The following EHD4 variants were observed in gnomAD, a reference collection of about 807,000 sequenced individuals.
EHD4 encodes the protein EH domain containing 4.
EHD4 carries 37 observed loss-of-function variants against 51.0 expected under a neutral mutation model. The ratio of observed to expected loss-of-function variants is 0.73; its 90% CI spans 0.56 to 0.95. EHD4 has a LOEUF of 0.95. EHD4 is among the 40% of genes least tolerant of loss of function. The pLI is 0.00. For missense variants in EHD4, 632 were observed against 733.1 expected (o/e 0.86, Z 1.59); for synonymous variants, 297 against 317.3 (o/e 0.94, Z 0.68).
intron 2 of EHD4, among the ~76,000 whole-genome samples, chr15:41,944,997 G>GA (rs2067801964): frequency 6.6e-6 from 1 of 152,118 alleles, no homozygotes; most frequent in South Asian, 2.1e-4. Flanking sequence ...TAAGTTCACA[G>GA]AAAAAACCCC....
intron 3 of EHD4, among the ~76,000 whole-genome samples, chr15:41,922,580 C>T (rs776479454): frequency 6.6e-5 from 10 of 152,236 alleles, no homozygotes; most frequent in Admixed American, 1.3e-4. Flanking sequence ...CGTGCAGATG[C>T]AGTCTCTCTT....
chr15:41,919,516 G>A lies in EHD4; in HGVS notation c.618C>T (p.Ala206=). 6.5e-7 allele frequency: 1 copy of A among 1,546,530 alleles called. No individual in the cohort carries two copies. Among genetic ancestry groups the A allele is most frequent in the Non-Finnish European group, 8.7e-7 (1 of 1,149,792 alleles). ...CGTCCTGGCCCCGGAAGGCCTTGAT[G>A]GCCTCTGAGAATTCATCTGAGATGT... is the stretch of plus-strand genomic sequence containing the variant. The part of the protein sequence containing the change: ...KLDISDEFSE[A]IKAFRGQDDK... The change falls in exon 4 of 6, where the codon GCC becomes GCT. Residue 206 remains alanine, a synonymous_variant. Coordinates refer to ENST00000220325, the MANE Select transcript of EHD4 (RefSeq NM_139265.4).
chr15:41,925,620 C>T (rs188515207), intron 3 of EHD4, among the ~76,000 whole-genome samples: 3 of 152,318 alleles, frequency 2.0e-5, no homozygotes, highest in Admixed American at 2.0e-4. Context: ...TCCAGTGAAA[C>T]TTGTATTAGT....
Position 41,901,085 on chromosome 15 carries a change from G to A in EHD4, c.1186C>T (p.Leu396Phe). 4 of 1,612,840 alleles carry A rather than the reference G, an allele frequency of 2.5e-6. No homozygotes were observed. The South Asian group carries it at 4.4e-5, about 18-fold the overall frequency. Residue 396 changes from leucine (L) to phenylalanine (F), a missense_variant, in exon 6 of 6, where the codon CTC (leucine) becomes TTC (phenylalanine). Leu to Phe is a conservative substitution (Grantham distance 22). Transcript: ENST00000220325. Reference protein sequence around the residue: ...DNMLSNKISPLMNLISQEETS... With the variant: ...DNMLSNKISPFMNLISQEETS... ...TCCTCCTGGCTGATGAGGTTCATGA[G>A]GGGCGAGATCTTGTTGCTCAGCATG...
At chr15:41,947,357 A>G (rs2067822141) in intron 2 of EHD4, among the ~76,000 whole-genome samples, 1 of 152,128 alleles carries the variant, frequency 6.6e-6, no homozygotes, top group African/African-American at 2.4e-5. Flanking sequence ...TAGGCTCCAG[A>G]CGTCTCCCTT....
intron 3 of EHD4, among the ~76,000 whole-genome samples, chr15:41,927,198 C>A (rs371679971): frequency 2.0e-5 from 3 of 152,160 alleles, no homozygotes; most frequent in East Asian, 3.8e-4. Flanking sequence ...CACTATACAC[C>A]CAGGAATTAC....
intron 1 of EHD4, among the ~76,000 whole-genome samples, chr15:41,957,463 T>G (rs749975240): frequency 1.3e-5 from 2 of 152,248 alleles, no homozygotes; most frequent in African/African-American, 4.8e-5. Flanking sequence ...GCATGGTCTA[T>G]ATACTCAGTA....
rs1221186298 is a variant in EHD4 at position 41,897,657 on chromosome 15, C to CG, written c.*2987dup. 3 of 152,242 alleles carry CG rather than the reference C, an allele frequency of 2.0e-5. No individual in the cohort carries two copies. The highest frequency in any genetic ancestry group is 4.4e-5 in the Non-Finnish European group (3 of 68,050). 9.4% of individuals were successfully genotyped at this position (152,242 alleles called of 1,614,324 possible). On this transcript the variant is annotated 3_prime_UTR_variant, in exon 6 of 6. Transcript: ENST00000220325. The stretch of plus-strand genomic sequence containing the variant: ...TCTTAGTGCAGTGTTTCTCTACAAA[C>CG]GGGGTCAGGAGACCCTCACTGGCAG...
chr15:41,926,540 G>A (rs938169386), intron 3 of EHD4, among the ~76,000 whole-genome samples: 3 of 152,154 alleles, frequency 2.0e-5, no homozygotes, highest in African/African-American at 7.2e-5. Flanking sequence ...CATCCAGCAC[G>A]AGGCAGGCAC....
At chr15:41,962,670 G>C (rs1407321295) in intron 1 of EHD4, among the ~76,000 whole-genome samples, 3 of 151,890 alleles carry the variant, frequency 2.0e-5, no homozygotes, top group Admixed American at 2.0e-4. Flanking sequence ...GTCCGGGAGG[G>C]AGGCGGGGGG....
rs2067466620 is a variant in EHD4 at position 41,900,231 on chromosome 15, A to T, written c.*414T>A. 1 of 191,276 alleles carries T rather than the reference A, an allele frequency of 5.2e-6. No individual in the cohort carries two copies. The highest frequency in any genetic ancestry group is 1.1e-5 in the Non-Finnish European group (1 of 94,224). The allele number at this position is 191,276 out of a possible 1,614,324, so 11.8% of individuals were successfully genotyped here. A position where few individuals can be genotyped will look rare whatever the true frequency, so the allele number is the denominator to read the frequency against. On this transcript the variant is annotated 3_prime_UTR_variant, in exon 6 of 6. Coordinates refer to ENST00000220325, the MANE Select transcript of EHD4 (RefSeq NM_139265.4). This position sits in a 1 kb window ranked among gnomAD's most constrained non-coding sequence, Gnocchi z 4.8. Reference sequence around the variant, plus strand: ...GCTGCCTCCAGGTGCCCTCTGAGGGACAGACAGCTGCTCCAGAGTTGTTCA... The same window carrying T: ...GCTGCCTCCAGGTGCCCTCTGAGGGTCAGACAGCTGCTCCAGAGTTGTTCA...
In EHD4 at chr15:41,901,178, G is replaced by A; in HGVS notation, c.1093C>T (p.Gln365Ter). ...TTGGTGAAGTCATAGTTCTCAAGCT[G>A]TTCCTGCAGAAGGACAAACCACAGG... is the stretch of plus-strand genomic sequence containing the variant. Reference protein sequence around the residue: ...DFPEVKAMQEQLENYDFTKFH... With the variant: ...DFPEVKAMQE The change falls in exon 6 of 6, where the codon CAG (glutamine) becomes TAG (stop). Residue 365 changes from glutamine to a stop codon, truncating the protein, a stop_gained. Coordinates refer to ENST00000220325, the MANE Select transcript of EHD4 (RefSeq NM_139265.4). LOFTEE classifies it high-confidence loss of function. 6.5e-7 allele frequency: 1 copy of A among 1,542,240 alleles called. No homozygotes were observed. The highest frequency in any genetic ancestry group is 8.7e-7 in the Non-Finnish European group (1 of 1,145,548).
chr15:41,955,964 T>C (rs1479150321), intron 1 of EHD4, among the ~76,000 whole-genome samples: 1 of 152,182 alleles, frequency 6.6e-6, no homozygotes, highest in East Asian at 1.9e-4. Flanking sequence ...TGGATGGGGC[T>C]ATGTCTGGAG....
At chr15:41,923,473 G>A (rs1396923728) in intron 3 of EHD4, among the ~76,000 whole-genome samples, 1 of 152,208 alleles carries the variant, frequency 6.6e-6, no homozygotes, top group Non-Finnish European at 1.5e-5. Flanking sequence ...AGGACCTAGA[G>A]ACCACTGATC....
chr15:41,954,804 A>AT (rs2067876233), intron 1 of EHD4, among the ~76,000 whole-genome samples: 1 of 151,934 alleles, frequency 6.6e-6, no homozygotes, highest in South Asian at 2.1e-4. Context: ...TGCCTAGCTA[A>AT]TTTTTTGTAG....
chr15:41,903,486 AC>A (rs2067492653), intron 5 of EHD4, among the ~76,000 whole-genome samples: 7 of 143,588 alleles, frequency 4.9e-5, no homozygotes, highest in African/African-American at 1.8e-4. Flanking sequence ...ACACACACAC[AC>A]ACACTGAAAC....
chr15:41,912,405 A>G (rs575165171), intron 4 of EHD4, among the ~76,000 whole-genome samples: 2 of 152,296 alleles, frequency 1.3e-5, no homozygotes, highest in East Asian at 3.9e-4. Flanking sequence ...TCAGAAGTTC[A>G]TCAAGTTGGC....
chr15:41,964,930 TC>T (rs1281071809), intron 1 of EHD4, among the ~76,000 whole-genome samples: 1 of 151,944 alleles, frequency 6.6e-6, no homozygotes, highest in Non-Finnish European at 1.5e-5. Flanking sequence ...CACCACCATG[TC>T]CGGCTAATTT....
intron 3 of EHD4, among the ~76,000 whole-genome samples, chr15:41,922,713 G>C (rs918603566): frequency 2.0e-5 from 3 of 152,212 alleles, no homozygotes; most frequent in Non-Finnish European, 4.4e-5. Flanking sequence ...CCATTTCAAT[G>C]CTATAGTGAA....
Sources: allele counts gnomAD v4.1 joint callset (sites outside exome capture counted in the v4.1 genomes callset), GRCh38; gene constraint gnomAD v4.1.1; non-coding constraint Gnocchi (gnomAD v3.1); transcripts MANE v1.5; gene names NCBI Gene and HGNC (gene_info 2026-07-23, HGNC 2026-07-21).